CHM: variants seen among roughly 807,000 people sequenced by gnomAD.
The protein encoded by CHM is rab proteins geranylgeranyltransferase component A 1.
CHM carries 10 observed loss-of-function variants against 49.0 expected under a neutral mutation model. That is an observed-to-expected ratio of 0.20 (90% CI 0.13 to 0.35). The LOEUF (loss-of-function observed/expected upper bound fraction) is 0.35, where lower values mean the gene tolerates loss of function less well. Ranked by LOEUF, CHM falls within the 10% of genes least tolerant of loss-of-function variation. CHM has a pLI of 1.00. For missense variants in CHM, 455 were observed against 478.4 expected, an observed-to-expected ratio of 0.95 and a Z score of 0.46; for synonymous variants, 184 against 167.5, an observed-to-expected ratio of 1.10 and a Z score of -0.76.
intron 4 of CHM, among the ~76,000 whole-genome samples, chrX:85,968,373 A>G (rs1569231051): frequency 8.9e-6 from 1 of 112,227 alleles, no homozygotes; most frequent in Non-Finnish European, 1.9e-5. Context: ...CCCAAGAACA[A>G]AACTTCATAA....
intron 8 of CHM, among the ~76,000 whole-genome samples, chrX:85,913,673 T>C (rs1244804070): frequency 9.0e-6 from 1 of 111,111 alleles, no homozygotes; most frequent in Non-Finnish European, 1.9e-5. Context: ...TATAAGCTAC[T>C]AAGTTTGTTA....
chrX:85,901,694 C>T (rs145518077), intron 9 of CHM, among the ~76,000 whole-genome samples: 256 of 111,840 alleles, frequency 2.3e-3, no homozygotes, highest in African/African-American at 8.0e-3. Flanking sequence ...TATATGGTCA[C>T]GTGTTGGATA....
intron 2 of CHM, among the ~76,000 whole-genome samples, chrX:86,014,573 C>T (rs1296914342): frequency 1.8e-5 from 2 of 112,780 alleles, no homozygotes; most frequent in East Asian, 5.6e-4. Flanking sequence ...CAAGACACTG[C>T]CAGGACCAGG....
chrX:85,921,304 G>T (rs962136015), intron 8 of CHM, among the ~76,000 whole-genome samples: 1 of 111,524 alleles, frequency 9.0e-6, no homozygotes, highest in Admixed American at 9.5e-5. Context: ...AGCAACCAAA[G>T]ATGGCAAACA....
At chrX:85,958,785 T>C in intron 6 of CHM, 76 bp downstream of exon 6, 1 of 1,198,994 alleles carries the variant, frequency 8.3e-7, no homozygotes, top group Non-Finnish European at 1.1e-6. Context: ...ATAACAATCT[T>C]ATTTGCTTAT....
rs1004764909 is a variant in CHM, at chrX:85,864,254, G to T, written c.*376C>A. 3 of 170,687 alleles carry T rather than the reference G, an allele frequency of 1.8e-5. 1 individual carries two copies. The highest frequency in any genetic ancestry group is 9.2e-5 in the African/African-American group (3 of 32,773). 14.1% of individuals were successfully genotyped at this position (170,687 alleles called of 1,213,427 possible). A position where few individuals can be genotyped will look rare whatever the true frequency, so the allele number is the denominator to read the frequency against. On this transcript the variant is annotated 3_prime_UTR_variant, in exon 15 of 15. Transcript: ENST00000357749. Reference sequence around the variant, plus strand: ...TCAAATAACCAAAGAAAATACATGAGCTGGTTCTGAAAATGTGGCTTTCAA... The same window carrying T: ...TCAAATAACCAAAGAAAATACATGATCTGGTTCTGAAAATGTGGCTTTCAA...
intron 4 of CHM, chrX:85,971,380 G>A (rs1603266380): frequency 5.3e-6 from 1 of 189,168 alleles, no homozygotes; most frequent in East Asian, 2.4e-4. Context: ...ATGTTCAGAT[G>A]TGTTCGGAGT....
intron 8 of CHM, among the ~76,000 whole-genome samples, chrX:85,918,786 G>T: frequency 9.0e-6 from 1 of 111,675 alleles, no homozygotes; most frequent in Non-Finnish European, 1.9e-5. Flanking sequence ...AAAAGACAAA[G>T]AAGGGCATTA....
chrX:85,943,726 T>C (rs1929254151), intron 8 of CHM, among the ~76,000 whole-genome samples: 1 of 112,071 alleles, frequency 8.9e-6, no homozygotes, highest in Non-Finnish European at 1.9e-5. Flanking sequence ...TATGTCTTAA[T>C]TATTTTCAAA....
rs181178215 is a variant in CHM, at chrX:85,971,719, C to G, written c.314+7048G>C. The G allele has an allele frequency of 6.8e-3, 979 of 144,679 alleles. 10 individuals are homozygous for G. The highest frequency in any genetic ancestry group is 0.028 in the African/African-American group (882 of 31,267). 11.9% of individuals were successfully genotyped at this position (144,679 alleles called of 1,213,427 possible). On this transcript the variant is annotated intron_variant, in intron 4 of 14. Transcript: ENST00000357749. Reference sequence around the variant, plus strand: ...TTTTATTGTCTTATCTGGCCCCACCCACATCCCGCTGATTGGTAGAGCCAA... The same window carrying G: ...TTTTATTGTCTTATCTGGCCCCACCGACATCCCGCTGATTGGTAGAGCCAA...
At chrX:85,976,824 CCT>C (rs1308887495) in intron 4 of CHM, among the ~76,000 whole-genome samples, 5 of 108,772 alleles carry the variant, frequency 4.6e-5, no homozygotes, top group African/African-American at 1.7e-4. Context: ...AGCAGATACC[CCT>C]TTCCTATTTG....
chrX:86,024,603 T>C, intron 2 of CHM, among the ~76,000 whole-genome samples: 1 of 111,800 alleles, frequency 8.9e-6, no homozygotes, highest in Admixed American at 9.5e-5. Flanking sequence ...GCTCATTCAG[T>C]TGAGAAATGA....
intron 2 of CHM, among the ~76,000 whole-genome samples, chrX:86,024,845 C>T (rs953170868): frequency 5.4e-5 from 6 of 111,579 alleles, no homozygotes; most frequent in African/African-American, 1.6e-4. Context: ...ACTGGGTAGA[C>T]GGTGTTATCA....
chrX:85,922,373 G>A (rs1216741957), intron 8 of CHM, among the ~76,000 whole-genome samples: 1 of 111,695 alleles, frequency 9.0e-6, no homozygotes, highest in African/African-American at 3.3e-5. Flanking sequence ...TAGAGGGAAG[G>A]AGAATATTTG....
At chrX:86,046,456 G>A (rs1018439605) in intron 1 of CHM, among the ~76,000 whole-genome samples, 2 of 112,035 alleles carry the variant, frequency 1.8e-5, no homozygotes, top group African/African-American at 6.5e-5. Context: ...TCGAAAACAG[G>A]TAGCTATTAT....
chrX:85,968,975 CATTTT>C (rs1930728678), intron 4 of CHM: 4 of 370,425 alleles, frequency 1.1e-5, no homozygotes. Context: ...GGTGATTTTA[CATTTT>C]ATTTGTATTC....
At chrX:85,886,426 T>C (rs1187482924) in intron 12 of CHM, among the ~76,000 whole-genome samples, 1 of 111,971 alleles carries the variant, frequency 8.9e-6, no homozygotes, top group Non-Finnish European at 1.9e-5. Flanking sequence ...GATTTGGAAG[T>C]AAAAGTAGTT....
At chrX:85,913,335 AGAAAGAAAGAAAGAAAGAAAG>A (rs1927210152) in intron 8 of CHM, among the ~76,000 whole-genome samples, 3 of 62,885 alleles carry the variant, frequency 4.8e-5, no homozygotes, top group Admixed American at 1.8e-4. Flanking sequence ...AAAAAAAAAA[AGAAAGAAAGAAAGAAAGAAAG>A]AAAGAAAGAA....
chrX:86,016,304 G>A (rs1308550906), intron 2 of CHM, among the ~76,000 whole-genome samples: 1 of 111,770 alleles, frequency 8.9e-6, no homozygotes, highest in African/African-American at 3.3e-5. Context: ...AAGTAACTAG[G>A]AGCCCAATGT....
Sources: allele counts gnomAD v4.1 joint callset (sites outside exome capture counted in the v4.1 genomes callset), GRCh38; gene constraint gnomAD v4.1.1; transcripts MANE v1.5; gene names NCBI Gene and HGNC (gene_info 2026-07-23, HGNC 2026-07-21).